HS3ST5: variants seen among roughly 807,000 people sequenced by gnomAD.
HS3ST5 encodes heparan sulfate glucosamine 3-O-sulfotransferase 5.
Under a neutral mutation model 25.4 loss-of-function variants are expected in HS3ST5, and 10 were observed. That is an observed-to-expected ratio of 0.39 (90% confidence interval 0.24 to 0.67). HS3ST5 has a LOEUF of 0.67. Among genes scored for constraint, HS3ST5 ranks in the 30% least tolerant of loss-of-function variants. The pLI is 0.44. For synonymous variants in HS3ST5, 170 were observed against 162.4 expected (o/e 1.05, Z -0.36); for missense variants, 324 against 420.7 (o/e 0.77, Z 2.01).
At chr6:114,202,815 A>C (rs892399787) in intron 2 of HS3ST5, among the ~76,000 whole-genome samples, 2 of 152,244 alleles carry the variant, frequency 1.3e-5, no homozygotes, top group African/African-American at 4.8e-5. Context: ...TTTCAAAATA[A>C]ATATGAGAGT....
chr6:114,093,661 A>G (rs1248654705), intron 3 of HS3ST5, among the ~76,000 whole-genome samples: 1 of 151,968 alleles, frequency 6.6e-6, no homozygotes, highest in Non-Finnish European at 1.5e-5. Context: ...CCCATTGTGC[A>G]GTATCTATTC....
At chr6:114,316,633 C>T (rs916987506) in intron 1 of HS3ST5, among the ~76,000 whole-genome samples, 2 of 152,154 alleles carry the variant, frequency 1.3e-5, no homozygotes, top group African/African-American at 4.8e-5. Context: ...GAGTAACTCA[C>T]ATTATACTTG....
rs1475012165 is a variant in HS3ST5 at position 114,056,705 on chromosome 6, T to C, written c.*552A>G. 2.6e-5 allele frequency: 4 copies of C among 152,598 alleles called. No homozygotes were observed. The highest frequency in any genetic ancestry group is 4.4e-5 in the Non-Finnish European group (3 of 68,350). 9.5% of individuals were successfully genotyped at this position (152,598 alleles called of 1,614,324 possible). On this transcript the variant is annotated 3_prime_UTR_variant, in exon 5 of 5. Transcript: ENST00000312719. ...CACCATGGTCCATACGAGAAAACAA[T>C]AGTGCAAAATCACCACAAGAACTTT... is the stretch of plus-strand genomic sequence containing the variant.
At chr6:114,076,408 A>C (rs1372025876) in intron 3 of HS3ST5, among the ~76,000 whole-genome samples, 2 of 152,196 alleles carry the variant, frequency 1.3e-5, no homozygotes, top group African/African-American at 4.8e-5. Context: ...TGTGGTGGGA[A>C]ATTTATGCCT....
chr6:114,263,423 CCTTGTTAG>C lies in HS3ST5; in HGVS notation c.-338-34653_-338-34646del, dbSNP rs1773265435. Among the ~76,000 whole-genome samples, 14 of 152,034 alleles carry C rather than the reference CCTTGTTAG, an allele frequency of 9.2e-5. No homozygotes were observed. In the South Asian group the frequency reaches 2.9e-3, roughly 32 times the overall value. The stretch of plus-strand genomic sequence containing the variant: ...TCCAGTTAAAATAAAAAAACAAAAC[CCTTGTTAG>C]CTTGTGAAGCAGTGAATTATCCAGT... On this transcript the variant is annotated intron_variant, in intron 1 of 4. Transcript: ENST00000312719.
chr6:114,290,298 C>T (rs560062396), intron 1 of HS3ST5, among the ~76,000 whole-genome samples: 85 of 152,214 alleles, frequency 5.6e-4, no homozygotes, highest in Non-Finnish European at 6.9e-4. Context: ...ACTGCTTTTA[C>T]TAGTGCAGGC....
intron 1 of HS3ST5, among the ~76,000 whole-genome samples, chr6:114,307,426 T>C (rs1216908212): frequency 6.7e-6 from 1 of 149,512 alleles, no homozygotes; most frequent in African/African-American, 2.6e-5. Flanking sequence ...GGATAAAACC[T>C]AGTTTTTTTT....
chr6:114,261,786 G>A (rs1279801924), intron 1 of HS3ST5, among the ~76,000 whole-genome samples: 2 of 152,114 alleles, frequency 1.3e-5, no homozygotes, highest in Non-Finnish European at 2.9e-5. Flanking sequence ...GCCTCCTCCA[G>A]GCCCCATGTG....
chr6:114,069,665 A>G (rs906132235), intron 3 of HS3ST5, among the ~76,000 whole-genome samples: 1 of 151,802 alleles, frequency 6.6e-6, no homozygotes, highest in Non-Finnish European at 1.5e-5. Context: ...CTACAGGCAC[A>G]CACCGCCATG....
In HS3ST5 at chr6:114,323,915, T is replaced by C. The variant is rs192118256; in HGVS notation, c.-339+18280A>G. ...CTGGGAGGCTGTTTTAAAGGAACACTGAGTCAGAGGGTGAGTAGCTGTGCT... is the reference window on the plus strand; with the variant it reads ...CTGGGAGGCTGTTTTAAAGGAACACCGAGTCAGAGGGTGAGTAGCTGTGCT... On this transcript the variant is annotated intron_variant, in intron 1 of 4. Transcript: ENST00000312719. Among the ~76,000 whole-genome samples the C allele has an allele frequency of 7.2e-5, 11 of 152,244 alleles. No individual in the cohort carries two copies. In the East Asian group the frequency reaches 1.9e-3, roughly 27 times the overall value.
At chr6:114,077,695 C>T (rs1774219305) in intron 3 of HS3ST5, among the ~76,000 whole-genome samples, 1 of 152,156 alleles carries the variant, frequency 6.6e-6, no homozygotes, top group South Asian at 2.1e-4. Flanking sequence ...TATCTGTTAA[C>T]AGTTGAAGGT....
At chr6:114,339,218 C>T (rs1776729343) in intron 1 of HS3ST5, among the ~76,000 whole-genome samples, 1 of 152,152 alleles carries the variant, frequency 6.6e-6, no homozygotes, top group African/African-American at 2.4e-5. Flanking sequence ...TGTTACTGCT[C>T]ATACTCTATT....
intron 2 of HS3ST5, among the ~76,000 whole-genome samples, chr6:114,214,100 A>G (rs956134977): frequency 5.3e-5 from 8 of 152,208 alleles, no homozygotes; most frequent in African/African-American, 1.4e-4. Flanking sequence ...TATTTCGCCA[A>G]CTGAAGTAAA....
At chr6:114,275,482 C>T (rs1432379843) in intron 1 of HS3ST5, among the ~76,000 whole-genome samples, 3 of 151,960 alleles carry the variant, frequency 2.0e-5, no homozygotes, top group Admixed American at 6.6e-5. Flanking sequence ...AAGTGACTCA[C>T]ATGGAGGATT....
intron 1 of HS3ST5, among the ~76,000 whole-genome samples, chr6:114,316,030 A>C (rs1011635970): frequency 1.3e-5 from 2 of 152,186 alleles, no homozygotes; most frequent in Non-Finnish European, 2.9e-5. Flanking sequence ...CAAGCTGCCA[A>C]GGCTTTGAAA....
Position 114,168,075 on chromosome 6 carries a change from C to T in HS3ST5, c.-33+276G>A, listed in dbSNP as rs965703127. ...ACACACACAAACAAAAAACAACACA[C>T]GCAAAAGAAAATCAATAAAAAAAAT... On this transcript the variant is annotated intron_variant, in intron 3 of 4. Coordinates refer to ENST00000312719, the MANE Select transcript of HS3ST5 (RefSeq NM_153612.4). 4.6e-5 allele frequency among the ~76,000 whole-genome samples: 7 copies of T among 152,058 alleles called. No homozygotes were observed. The East Asian group carries it at 5.8e-4, about 13-fold the overall frequency.
intron 1 of HS3ST5, among the ~76,000 whole-genome samples, chr6:114,283,932 T>C (rs1043797572): frequency 2.0e-5 from 3 of 151,972 alleles, no homozygotes; most frequent in African/African-American, 7.2e-5. Context: ...ATTGCATATA[T>C]CTGAGGCAGG....
chr6:114,188,897 A>C (rs1045490662), intron 2 of HS3ST5, among the ~76,000 whole-genome samples: 17 of 152,112 alleles, frequency 1.1e-4, no homozygotes, highest in Non-Finnish European at 2.2e-4. Context: ...TTTTGGAGAA[A>C]TCTCTTAGAG....
intron 1 of HS3ST5, among the ~76,000 whole-genome samples, chr6:114,333,643 A>T (rs1486048027): frequency 1.3e-5 from 2 of 151,924 alleles, no homozygotes; most frequent in Non-Finnish European, 1.5e-5. Context: ...TAATATATAT[A>T]TTTTTTTAAA....
Sources: gnomAD v4.1 joint callset for allele counts (sites outside exome capture counted in the v4.1 genomes callset) on GRCh38, gnomAD v4.1.1 for gene constraint, MANE v1.5 for transcripts, NCBI Gene and HGNC (gene_info 2026-07-23, HGNC 2026-07-21) for gene names.